SLC44A5: variants seen among roughly 807,000 people sequenced by gnomAD.
The protein encoded by SLC44A5 is solute carrier family 44 member 5.
A neutral mutation model predicts 101.8 loss-of-function variants in SLC44A5; 57 were observed. That is an observed-to-expected ratio of 0.56 (90% CI 0.45 to 0.70). The LOEUF (loss-of-function observed/expected upper bound fraction) is 0.70. SLC44A5 is among the 30% of genes least tolerant of loss of function. SLC44A5 has a pLI of 0.00. For synonymous variants in SLC44A5, 281 were observed against 290.9 expected (o/e 0.97, Z 0.35); for missense variants, 737 against 853.1 (o/e 0.86, Z 1.70).
chr1:75,677,818 G>C, the SLC44A5 span: 25 of 405,334 alleles, frequency 6.2e-5, no homozygotes, highest in Admixed American at 3.1e-4. Flanking sequence ...CGACGCAGAA[G>C]ATGGGTGATT....
chr1:75,679,331 T>C, the SLC44A5 span, among the ~76,000 whole-genome samples: 2 of 151,834 alleles, frequency 1.3e-5, no homozygotes, highest in African/African-American at 4.8e-5. Context: ...AAAGTTGAAA[T>C]GAAGGAAAAA....
intron 2 of SLC44A5, among the ~76,000 whole-genome samples, chr1:75,420,202 C>T (rs1334601533): frequency 1.3e-5 from 2 of 152,128 alleles, no homozygotes; most frequent in Non-Finnish European, 2.9e-5. Flanking sequence ...TTAGACTTCT[C>T]AGCCTCCAGA....
intron 2 of SLC44A5, among the ~76,000 whole-genome samples, chr1:75,439,671 T>C (rs551391838): frequency 1.3e-5 from 2 of 152,138 alleles, no homozygotes; most frequent in South Asian, 2.1e-4. Flanking sequence ...AAAAACACAA[T>C]ATGTAATATT....
chr1:75,659,118 T>C, the SLC44A5 span, among the ~76,000 whole-genome samples: 1 of 151,678 alleles, frequency 6.6e-6, no homozygotes, highest in Non-Finnish European at 1.5e-5. Context: ...TGTAACAAGA[T>C]AGAACAGTAA....
intron 7 of SLC44A5, 57 bp from the exon 8 acceptor site, chr1:75,243,068 C>T: frequency 6.6e-7 from 1 of 1,521,742 alleles, no homozygotes; most frequent in Non-Finnish European, 8.8e-7. Flanking sequence ...CAGGAACTAC[C>T]TATAAAGCTA....
the SLC44A5 span, among the ~76,000 whole-genome samples, chr1:75,637,969 C>T: frequency 6.6e-6 from 1 of 151,910 alleles, no homozygotes; most frequent in South Asian, 2.1e-4. Context: ...TACCTAGTAC[C>T]TCACTGATAT....
intron 1 of SLC44A5, among the ~76,000 whole-genome samples, chr1:75,603,598 A>G (rs879841897): frequency 6.6e-6 from 1 of 152,018 alleles, no homozygotes; most frequent in Non-Finnish European, 1.5e-5. Flanking sequence ...CATTCCCAAC[A>G]GTGTATATAT....
chr1:75,651,859 C>T, the SLC44A5 span, among the ~76,000 whole-genome samples: 8 of 152,094 alleles, frequency 5.3e-5, no homozygotes, highest in South Asian at 4.2e-4. Context: ...ACACGTGGAA[C>T]GTCAGGCGAC....
intron 17 of SLC44A5, among the ~76,000 whole-genome samples, chr1:75,218,190 T>C (rs1418544681): frequency 2.6e-5 from 4 of 152,092 alleles, no homozygotes; most frequent in African/African-American, 7.2e-5. Flanking sequence ...CATCATAAAA[T>C]AGGATGTTTT....
In SLC44A5 at chr1:75,462,315, A is replaced by C. The variant is rs181336694; in HGVS notation, c.14-65694T>G. On this transcript the variant is annotated intron_variant, in intron 2 of 23. Coordinates refer to ENST00000370859, the MANE Select transcript of SLC44A5 (RefSeq NM_001130058.2). ...GCACCTCTACACGTCTGCAAGAACC[A>C]CAGTGTTACTGGACTTTGGGTACCC... 3.7e-4 allele frequency among the ~76,000 whole-genome samples: 56 copies of C among 152,344 alleles called. No individual in the cohort carries two copies. In the East Asian group the frequency reaches 8.1e-3, roughly 22 times the overall value.
intron 1 of SLC44A5, among the ~76,000 whole-genome samples, chr1:75,593,434 T>C (rs1048659309): frequency 6.6e-6 from 1 of 152,070 alleles, no homozygotes; most frequent in African/African-American, 2.4e-5. Flanking sequence ...TGGAGGTTCC[T>C]CAAAAAACTA....
At chr1:75,680,044 T>C in the SLC44A5 span, among the ~76,000 whole-genome samples, 2 of 152,212 alleles carry the variant, frequency 1.3e-5, no homozygotes. Flanking sequence ...AAGGGATCAA[T>C]TCAACAAGAA....
Position 75,376,202 on chromosome 1 carries a change from G to C in SLC44A5, c.52+20381C>G, listed in dbSNP as rs540078597. ...GAGGGTCCTACGCCCATGGAGTCTC[G>C]CTGATTGCTAGCACAGCAGTCTGAG... On this transcript the variant is annotated intron_variant, in intron 3 of 23. Transcript: ENST00000370859. Among the ~76,000 whole-genome samples the C allele has an allele frequency of 2.3e-3, 352 of 152,274 alleles. 1 individual carries two copies. Among genetic ancestry groups the C allele is most frequent in the Non-Finnish European group, 3.8e-3 (258 of 68,026 alleles).
chr1:75,465,023 T>C (rs1666737373), intron 2 of SLC44A5, among the ~76,000 whole-genome samples: 1 of 152,200 alleles, frequency 6.6e-6, no homozygotes, highest in African/African-American at 2.4e-5. Context: ...TCATCTGCAC[T>C]ATAGACCAAA....
At chr1:75,557,307 AG>A (rs1331447138) in intron 1 of SLC44A5, among the ~76,000 whole-genome samples, 7 of 152,178 alleles carry the variant, frequency 4.6e-5, no homozygotes, top group Admixed American at 3.3e-4. Flanking sequence ...ACACAGTGTA[AG>A]TGCATAGGGA....
At chr1:75,554,200 G>C (rs1381675738) in intron 1 of SLC44A5, among the ~76,000 whole-genome samples, 1 of 152,088 alleles carries the variant, frequency 6.6e-6, no homozygotes, top group African/African-American at 2.4e-5. Context: ...TATCAGGCTG[G>C]GTGCAGTGGC....
rs533449998 is a variant in SLC44A5 at position 75,488,578 on chromosome 1, G to A, written c.13+52857C>T. ...TTTAAAATGACTGTCCAAATAATCCGGATTTTCAAAAAATCAACTGCCATC... is the reference window on the plus strand; with the variant it reads ...TTTAAAATGACTGTCCAAATAATCCAGATTTTCAAAAAATCAACTGCCATC... On this transcript the variant is annotated intron_variant, in intron 2 of 23. Transcript: ENST00000370859. Among the ~76,000 whole-genome samples, 12 of 152,076 alleles carry A rather than the reference G, an allele frequency of 7.9e-5. No homozygotes were observed. In the East Asian group the frequency reaches 1.2e-3, roughly 15 times the overall value.
chr1:75,489,158 T>G (rs1668307015), intron 2 of SLC44A5, among the ~76,000 whole-genome samples: 2 of 152,296 alleles, frequency 1.3e-5, no homozygotes, highest in South Asian at 4.1e-4. Flanking sequence ...ATGATAGCTG[T>G]TCTCCAATCC....
At chr1:75,632,732 T>C in the SLC44A5 span, among the ~76,000 whole-genome samples, 10 of 152,176 alleles carry the variant, frequency 6.6e-5, no homozygotes. Flanking sequence ...AGCACTTGAG[T>C]TCTAGAGCCA....
Sources: gnomAD v4.1 joint callset for allele counts (sites outside exome capture counted in the v4.1 genomes callset) on GRCh38, gnomAD v4.1.1 for gene constraint, MANE v1.5 for transcripts, NCBI Gene and HGNC (gene_info 2026-07-23, HGNC 2026-07-21) for gene names.